The following SSH2 variants were observed in gnomAD, a reference collection of about 807,000 sequenced individuals.
SSH2 encodes the protein slingshot protein phosphatase 2.
In SSH2, 37 loss-of-function variants were observed where a neutral mutation model predicts 135.2. That is an observed-to-expected ratio of 0.27 (90% CI 0.21 to 0.36). SSH2 has a LOEUF of 0.36. SSH2 is among the 10% of genes least tolerant of loss of function. SSH2 has a pLI of 1.00. For missense variants in SSH2, 1,408 were observed against 1,765.3 expected (o/e 0.80, Z 3.63); for synonymous variants, 628 against 646.2 (o/e 0.97, Z 0.43).
At chr17:29,730,438 CT>C (rs113317053) in intron 3 of SSH2, among the ~76,000 whole-genome samples, 8,554 of 138,400 alleles carry the variant, frequency 0.062, 445 homozygotes, top group African/African-American at 0.15. Context: ...TTGACTTTTT[CT>C]TTTTTTTTTT....
intron 3 of SSH2, among the ~76,000 whole-genome samples, chr17:29,728,656 G>A (rs757678387): frequency 5.9e-5 from 9 of 152,166 alleles, no homozygotes; most frequent in Non-Finnish European, 1.3e-4. Context: ...TTATATTACC[G>A]AGCTATAGTA....
chr17:29,680,959 T>C (rs1437281679), intron 6 of SSH2, among the ~76,000 whole-genome samples: 1 of 151,890 alleles, frequency 6.6e-6, no homozygotes, highest in Non-Finnish European at 1.5e-5. Context: ...TGTGACCAGA[T>C]TTTGGTTAAC....
chr17:29,708,589 C>A (rs1403982409), intron 3 of SSH2, among the ~76,000 whole-genome samples: 20 of 98,884 alleles, frequency 2.0e-4, no homozygotes, highest in African/African-American at 4.2e-4. Context: ...AACTCTGCTT[C>A]AAAAAAAAAA....
intron 3 of SSH2, among the ~76,000 whole-genome samples, chr17:29,720,239 T>C (rs528952966): frequency 7.7e-4 from 118 of 152,298 alleles, no homozygotes; most frequent in African/African-American, 2.8e-3. Flanking sequence ...CACCAAGGAA[T>C]TTTTTTGTTA....
intron 2 of SSH2, among the ~76,000 whole-genome samples, chr17:29,824,604 G>A (rs1208592467): frequency 1.3e-5 from 2 of 152,144 alleles, no homozygotes; most frequent in Admixed American, 1.3e-4. Context: ...GGCTTGGTCA[G>A]TTTCCCTTGA....
intron 2 of SSH2, among the ~76,000 whole-genome samples, chr17:29,795,803 G>A (rs1280241295): frequency 6.6e-6 from 1 of 151,958 alleles, no homozygotes. Context: ...GTGCAGTGAT[G>A]CGATCTCGAC....
At chr17:29,811,244 C>A (rs1022245593) in intron 2 of SSH2, among the ~76,000 whole-genome samples, 2 of 152,062 alleles carry the variant, frequency 1.3e-5, no homozygotes, top group African/African-American at 4.8e-5. Context: ...GATCCATCCT[C>A]CTTAGCCACC....
At chr17:29,643,185 G>T (rs542113843) in intron 14 of SSH2, 133 of 985,356 alleles carry the variant, frequency 1.3e-4, no homozygotes, top group Admixed American at 1.3e-3. Context: ...GGCAGATCTG[G>T]AGTGGTACTT....
In SSH2 at chr17:29,666,995, T is replaced by C; in HGVS notation, c.904A>G (p.Ile302Val). Residue 302 changes from isoleucine to valine, a missense_variant and splice_region_variant, in exon 11 of 16, where the codon ATA (isoleucine) becomes GTA (valine). Physicochemically the swap from Ile to Val is conservative, Grantham distance 29. This residue lies in a region of SSH2 where 106 missense variants were observed against 265.2 expected (regional missense o/e 0.40). Coordinates refer to ENST00000540801, the MANE Select transcript of SSH2 (RefSeq NM_001282129.2). ...ATTTGCATTTCCAACTCTGTTCTTA[T>C]CTGAAACAAAGATGATATATTGGAC... ...KDLENITSKE[I>V]RTELEMQMVC... 1.2e-6 allele frequency: 2 copies of C among 1,614,140 alleles called. No individual in the cohort carries two copies. The highest frequency in any genetic ancestry group is 1.7e-6 in the Non-Finnish European group (2 of 1,180,032).
chr17:29,687,175 T>G (rs1256765323), intron 5 of SSH2, among the ~76,000 whole-genome samples: 1 of 152,160 alleles, frequency 6.6e-6, no homozygotes, highest in Non-Finnish European at 1.5e-5. Flanking sequence ...CATTCCAAAA[T>G]GGCCAGGCCA....
At chr17:29,792,975 G>T (rs983968047) in intron 3 of SSH2, among the ~76,000 whole-genome samples, 2 of 152,070 alleles carry the variant, frequency 1.3e-5, no homozygotes, top group African/African-American at 4.8e-5. Context: ...CGCCCGGCCT[G>T]ATAATTATTA....
intron 1 of SSH2, among the ~76,000 whole-genome samples, chr17:29,881,752 G>A (rs1463951428): frequency 6.6e-6 from 1 of 151,956 alleles, no homozygotes; most frequent in Non-Finnish European, 1.5e-5. Context: ...TGCCCACCTC[G>A]GCCTCCCAAA....
At chr17:29,756,333 C>T (rs932743968) in intron 3 of SSH2, among the ~76,000 whole-genome samples, 1 of 151,166 alleles carries the variant, frequency 6.6e-6, no homozygotes, top group African/African-American at 2.4e-5. Context: ...TGCAATGGCA[C>T]GATCATAGCT....
intron 1 of SSH2, among the ~76,000 whole-genome samples, chr17:29,870,194 A>G (rs2065916100): frequency 6.6e-6 from 1 of 152,062 alleles, no homozygotes; most frequent in African/African-American, 2.4e-5. Flanking sequence ...TGGTGTATCT[A>G]TATAATGGAA....
intron 3 of SSH2, among the ~76,000 whole-genome samples, chr17:29,722,266 A>G (rs193249852): frequency 5.6e-5 from 8 of 143,784 alleles, no homozygotes; most frequent in Non-Finnish European, 1.0e-4. Flanking sequence ...AGAACGGGAC[A>G]TTATCTCAAA....
intron 1 of SSH2, among the ~76,000 whole-genome samples, chr17:29,915,349 C>T (rs746336318): frequency 2.6e-5 from 4 of 152,142 alleles, no homozygotes; most frequent in Non-Finnish European, 4.4e-5. Flanking sequence ...GCCAACTGCT[C>T]GTAATAGCTG....
chr17:29,753,160 T>C (rs904911465), intron 3 of SSH2, among the ~76,000 whole-genome samples: 5 of 152,134 alleles, frequency 3.3e-5, no homozygotes, highest in Admixed American at 3.3e-4. Flanking sequence ...AGACGGAGTC[T>C]TGCTCAGTCA....
intron 1 of SSH2, among the ~76,000 whole-genome samples, chr17:29,910,326 T>TA (rs11374383): frequency 0.85 from 128,517 of 151,212 alleles, 54,624 homozygotes; most frequent in Middle Eastern, 0.92. Context: ...TTGTAACCTA[T>TA]AAAAAAAAAT....
intron 3 of SSH2, among the ~76,000 whole-genome samples, chr17:29,788,497 C>T (rs1253725855): frequency 1.3e-5 from 2 of 152,114 alleles, no homozygotes; most frequent in Admixed American, 6.6e-5. Context: ...CCTGGGTTTC[C>T]AGCCTACAGA....
Sources: allele counts gnomAD v4.1 joint callset (sites outside exome capture counted in the v4.1 genomes callset), GRCh38; gene constraint gnomAD v4.1.1; regional missense constraint gnomAD v4.1.1; transcripts MANE v1.5; gene names NCBI Gene and HGNC (gene_info 2026-07-23, HGNC 2026-07-21).